The following RTN4RL1 variants were observed in gnomAD, a reference collection of about 807,000 sequenced individuals.
The protein encoded by RTN4RL1 is reticulon-4 receptor-like 1.
Under a neutral mutation model 25.6 loss-of-function variants are expected in RTN4RL1, and 7 were observed. The observed-to-expected ratio is 0.27, with a 90% confidence interval of 0.16 to 0.51. The LOEUF is 0.51. RTN4RL1 is among the 20% of genes least tolerant of loss of function. The probability of loss-of-function intolerance (pLI) is 0.97; values close to 1 mark genes in which losing one functional copy is unlikely to be tolerated. For missense variants in RTN4RL1, 500 were observed against 615.6 expected, an observed-to-expected ratio of 0.81 and a Z score of 1.99; for synonymous variants, 297 against 288.2, an observed-to-expected ratio of 1.03 and a Z score of -0.31.
At position 2,012,081 on chromosome 17, in the gene RTN4RL1, T is replaced by C. The variant is rs563043271; in HGVS notation, c.13+12772A>G. Among the ~76,000 whole-genome samples the C allele has an allele frequency of 9.8e-5, 15 of 152,324 alleles. 1 individual carries two copies. The South Asian group carries it at 3.1e-3, about 32-fold the overall frequency. Reference sequence around the variant, plus strand: ...ACCCCAGGCACCACCCGAGCTCAGCTTCCTCTGGCAATTTTAGCATGTTTG... The same window carrying C: ...ACCCCAGGCACCACCCGAGCTCAGCCTCCTCTGGCAATTTTAGCATGTTTG... On this transcript the variant is annotated intron_variant, in intron 1 of 1. Coordinates refer to ENST00000331238, the MANE Select transcript of RTN4RL1 (RefSeq NM_178568.4).
chr17:1,985,835 C>G (rs1197272262), intron 1 of RTN4RL1, among the ~76,000 whole-genome samples: 9 of 152,066 alleles, frequency 5.9e-5, no homozygotes, highest in Non-Finnish European at 1.0e-4. Flanking sequence ...TGTGGAATCT[C>G]TGCAATTTGC....
chr17:1,940,255 C>T (rs1915414060), intron 1 of RTN4RL1, among the ~76,000 whole-genome samples: 1 of 152,056 alleles, frequency 6.6e-6, no homozygotes, highest in South Asian at 2.1e-4. Flanking sequence ...GTTTTTTTTG[C>T]ATAATTGGGC....
chr17:2,016,119 G>A (rs1017820936), intron 1 of RTN4RL1, among the ~76,000 whole-genome samples: 1 of 152,226 alleles, frequency 6.6e-6, no homozygotes, highest in African/African-American at 2.4e-5. Context: ...GGTGGCTCAT[G>A]CCTGTAATCC....
intron 1 of RTN4RL1, among the ~76,000 whole-genome samples, chr17:1,939,847 G>A (rs1045666314): frequency 2.0e-5 from 3 of 152,124 alleles, no homozygotes; most frequent in African/African-American, 4.8e-5. Context: ...CACCCTGGAG[G>A]GCCAGGCAGC....
At chr17:1,997,539 C>A (rs925052474) in intron 1 of RTN4RL1, among the ~76,000 whole-genome samples, 1 of 152,234 alleles carries the variant, frequency 6.6e-6, no homozygotes, top group Non-Finnish European at 1.5e-5. Flanking sequence ...GTATGACTGG[C>A]CCATAGTAGG....
At chr17:2,017,303 CATG>C (rs1395850790) in intron 1 of RTN4RL1, among the ~76,000 whole-genome samples, 2 of 152,216 alleles carry the variant, frequency 1.3e-5, no homozygotes, top group Non-Finnish European at 2.9e-5. Flanking sequence ...TAGTTGTCAC[CATG>C]ATGCCACTAC....
At chr17:1,997,391 A>G (rs1429190941) in intron 1 of RTN4RL1, among the ~76,000 whole-genome samples, 1 of 152,112 alleles carries the variant, frequency 6.6e-6, no homozygotes, top group Non-Finnish European at 1.5e-5. Context: ...GCCAAGTACA[A>G]TATCACATTA....
intron 1 of RTN4RL1, chr17:1,995,817 C>G (rs2066927068): frequency 6.6e-6 from 1 of 152,272 alleles, no homozygotes; most frequent in Non-Finnish European, 1.5e-5. Context: ...ATGCACTTAA[C>G]TAGCTGTCGC....
chr17:1,951,618 C>G (rs376224624), intron 1 of RTN4RL1, among the ~76,000 whole-genome samples: 1 of 151,894 alleles, frequency 6.6e-6, no homozygotes, highest in East Asian at 1.9e-4. Flanking sequence ...ACCTGGCTAA[C>G]TTTTGTATTT....
At chr17:1,956,233 G>A (rs923576202) in intron 1 of RTN4RL1, among the ~76,000 whole-genome samples, 4 of 152,148 alleles carry the variant, frequency 2.6e-5, no homozygotes, top group African/African-American at 9.7e-5. Context: ...GGGTGCAGGC[G>A]AATAGGTAAA....
In RTN4RL1 at chr17:1,969,058, C is replaced by CTT. The variant is rs566553225; in HGVS notation, c.14-31252_14-31251dup. Among the ~76,000 whole-genome samples the CTT allele has an allele frequency of 6.9e-3, 719 of 103,854 alleles. 33 individuals are homozygous for CTT. Among genetic ancestry groups the CTT allele is most frequent in the African/African-American group, 0.022 (601 of 26,998 alleles). 68.1% of individuals were successfully genotyped at this position (103,854 alleles called of 152,430 possible). On this transcript the variant is annotated intron_variant, in intron 1 of 1. Coordinates refer to ENST00000331238, the MANE Select transcript of RTN4RL1 (RefSeq NM_178568.4). ...TCGTGGGGGAGCTGGACCACTGTCC[C>CTT]TTTTTTTTTTTTTTTTTTGAGATGG...
At chr17:2,014,359 C>T (rs1231244738) in intron 1 of RTN4RL1, among the ~76,000 whole-genome samples, 1 of 152,154 alleles carries the variant, frequency 6.6e-6, no homozygotes, top group African/African-American at 2.4e-5. Flanking sequence ...AGTACCATGA[C>T]AGGGATGTGC....
intron 1 of RTN4RL1, among the ~76,000 whole-genome samples, chr17:2,021,605 A>T (rs1485487642): frequency 8.2e-6 from 1 of 121,904 alleles, no homozygotes; most frequent in African/African-American, 3.3e-5. Context: ...CCTGGGCTGG[A>T]GTGCAGTGGT....
chr17:1,971,790 G>A (rs929546323), intron 1 of RTN4RL1, among the ~76,000 whole-genome samples: 36 of 151,790 alleles, frequency 2.4e-4, no homozygotes, highest in African/African-American at 8.0e-4. Flanking sequence ...GTGAAACCCC[G>A]TCTCTACTAA....
At chr17:2,001,753 C>T (rs2066958861) in intron 1 of RTN4RL1, among the ~76,000 whole-genome samples, 1 of 152,178 alleles carries the variant, frequency 6.6e-6, no homozygotes, top group Non-Finnish European at 1.5e-5. Flanking sequence ...TCGAGCAGCC[C>T]CTCCTCAATG....
intron 1 of RTN4RL1, among the ~76,000 whole-genome samples, chr17:1,951,598 A>C (rs1220231557): frequency 1.3e-5 from 2 of 151,920 alleles, no homozygotes; most frequent in African/African-American, 2.4e-5. Context: ...TTACAGGCAC[A>C]CGCCACCACA....
chr17:1,970,875 C>T (rs1451402730), intron 1 of RTN4RL1, among the ~76,000 whole-genome samples: 4 of 152,138 alleles, frequency 2.6e-5, no homozygotes, highest in Non-Finnish European at 1.5e-5. Context: ...GAATCAGGGA[C>T]CCCTTAAGGA....
intron 1 of RTN4RL1, among the ~76,000 whole-genome samples, chr17:1,981,587 G>A (rs2066867551): frequency 6.6e-6 from 1 of 152,212 alleles, no homozygotes; most frequent in African/African-American, 2.4e-5. Context: ...TGTGCAGATA[G>A]GCTGACCTGG....
intron 1 of RTN4RL1, among the ~76,000 whole-genome samples, chr17:1,953,499 A>T (rs1250404215): frequency 6.6e-6 from 1 of 152,168 alleles, no homozygotes; most frequent in African/African-American, 2.4e-5. Context: ...ACATGTATAC[A>T]TATGTAACAA....
Sources: allele counts gnomAD v4.1 joint callset (sites outside exome capture counted in the v4.1 genomes callset), GRCh38; gene constraint gnomAD v4.1.1; transcripts MANE v1.5; gene names NCBI Gene and HGNC (gene_info 2026-07-23, HGNC 2026-07-21).